Variants in TMEM132D observed in about 807,000 individuals in gnomAD.
TMEM132D encodes the protein mature OL transmembrane protein.
A neutral mutation model predicts 62.3 loss-of-function variants in TMEM132D; 21 were observed. The ratio of observed to expected loss-of-function variants is 0.34; its 90% CI spans 0.24 to 0.49. TMEM132D has a LOEUF of 0.49. Ranked by LOEUF, TMEM132D falls within the 20% of genes least tolerant of loss-of-function variation. The pLI, the probability that TMEM132D is intolerant of heterozygous loss-of-function variation, is 0.99. For missense variants in TMEM132D, 1,346 were observed against 1,402.8 expected (o/e 0.96, Z 0.65); for synonymous variants, 621 against 575.6 (o/e 1.08, Z -1.13).
At chr12:129,555,522 T>C (rs745848332) in intron 2 of TMEM132D, among the ~76,000 whole-genome samples, 2 of 152,220 alleles carry the variant, frequency 1.3e-5, no homozygotes, top group African/African-American at 2.4e-5. Flanking sequence ...GTTTCATGTA[T>C]AAAATGACAT....
chr12:129,833,025 C>T (rs551507227), intron 1 of TMEM132D, among the ~76,000 whole-genome samples: 13 of 152,210 alleles, frequency 8.5e-5, no homozygotes, highest in East Asian at 1.9e-4. Flanking sequence ...TGATGCCTCT[C>T]GCAAATTACA....
chr12:129,237,796 T>C (rs1391465385), intron 4 of TMEM132D, among the ~76,000 whole-genome samples: 3 of 152,082 alleles, frequency 2.0e-5, no homozygotes, highest in Admixed American at 6.6e-5. Context: ...CTGGCCAACA[T>C]GGTGAAACCC....
intron 3 of TMEM132D, among the ~76,000 whole-genome samples, chr12:129,421,631 T>C (rs1000061877): frequency 6.6e-6 from 1 of 152,244 alleles, no homozygotes; most frequent in Non-Finnish European, 1.5e-5. Flanking sequence ...CTAGCAGCCC[T>C]GATGTCCTAA....
At chr12:129,422,958 C>T (rs930710100) in intron 3 of TMEM132D, among the ~76,000 whole-genome samples, 7 of 136,608 alleles carry the variant, frequency 5.1e-5, no homozygotes, top group East Asian at 4.6e-4. Context: ...CTAGAATCAA[C>T]GAAGGAAAGT....
At chr12:129,662,815 A>T (rs1204086988) in intron 2 of TMEM132D, among the ~76,000 whole-genome samples, 13 of 129,728 alleles carry the variant, frequency 1.0e-4, no homozygotes, top group African/African-American at 3.0e-4. Flanking sequence ...AAAAAAAAAG[A>T]GAGAGAGAGA....
At chr12:129,735,871 T>C (rs1869405958) in intron 1 of TMEM132D, among the ~76,000 whole-genome samples, 1 of 152,188 alleles carries the variant, frequency 6.6e-6, no homozygotes, top group Non-Finnish European at 1.5e-5. Context: ...TATAGACCTA[T>C]AAAGATCATC....
chr12:129,500,685 C>T (rs142859153), intron 3 of TMEM132D, among the ~76,000 whole-genome samples: 2 of 152,282 alleles, frequency 1.3e-5, no homozygotes, highest in Non-Finnish European at 1.5e-5. Flanking sequence ...CTCCTTCCCC[C>T]GTCCAAATGG....
chr12:129,419,794 T>C (rs559145545), intron 3 of TMEM132D, among the ~76,000 whole-genome samples: 39 of 152,144 alleles, frequency 2.6e-4, no homozygotes, highest in Non-Finnish European at 4.3e-4. Flanking sequence ...GAATATAAAA[T>C]GCCAAGTCTA....
chr12:129,529,625 A>G (rs1876157264), intron 3 of TMEM132D, among the ~76,000 whole-genome samples: 1 of 152,264 alleles, frequency 6.6e-6, no homozygotes, highest in African/African-American at 2.4e-5. Flanking sequence ...AGAAAATGAA[A>G]GTTCACCGGT....
chr12:129,436,652 C>T (rs1328554149), intron 3 of TMEM132D, among the ~76,000 whole-genome samples: 1 of 152,174 alleles, frequency 6.6e-6, no homozygotes, highest in East Asian at 1.9e-4. Flanking sequence ...GAATTAGATG[C>T]CTTTGTATCC....
At chr12:129,514,048 C>T (rs1256770641) in intron 3 of TMEM132D, among the ~76,000 whole-genome samples, 2 of 150,796 alleles carry the variant, frequency 1.3e-5, no homozygotes, top group African/African-American at 4.9e-5. Context: ...ACTGTGTCAG[C>T]CAGGATGGTC....
chr12:129,386,806 A>G (rs988333194), intron 3 of TMEM132D, among the ~76,000 whole-genome samples: 1 of 151,940 alleles, frequency 6.6e-6, no homozygotes, highest in African/African-American at 2.4e-5. Context: ...CAATACTAAC[A>G]CGAACACCAA....
chr12:129,604,817 G>C (rs1484870619), intron 2 of TMEM132D, among the ~76,000 whole-genome samples: 2 of 152,138 alleles, frequency 1.3e-5, no homozygotes, highest in African/African-American at 4.8e-5. Context: ...TCCAGTTCCA[G>C]AGACCCAGCT....
At chr12:129,711,226 T>C (rs1881635061) in intron 1 of TMEM132D, among the ~76,000 whole-genome samples, 1 of 152,236 alleles carries the variant, frequency 6.6e-6, no homozygotes. Context: ...GCAACTTCCG[T>C]TGTTCCGGTA....
At chr12:129,185,002 G>A (rs1878183531) in intron 5 of TMEM132D, among the ~76,000 whole-genome samples, 1 of 152,186 alleles carries the variant, frequency 6.6e-6, no homozygotes. Context: ...GACCTAGGTG[G>A]AAATTATTTC....
chr12:129,356,677 T>A (rs1252811871), intron 3 of TMEM132D, among the ~76,000 whole-genome samples: 1 of 147,250 alleles, frequency 6.8e-6, no homozygotes, highest in Non-Finnish European at 1.5e-5. Context: ...AATAAATAAA[T>A]AAATAAATAA....
Position 129,903,641 on chromosome 12 carries a change from T to G in TMEM132D, c.-302A>C. 3 of 318,062 alleles carry G rather than the reference T, an allele frequency of 9.4e-6. No individual in the cohort carries two copies. Among genetic ancestry groups the G allele is most frequent in the Non-Finnish European group, 1.2e-5 (2 of 172,682 alleles). The allele number at this position is 318,062 out of a possible 1,614,324, so 19.7% of individuals were successfully genotyped here. On this transcript the variant is annotated 5_prime_UTR_variant, in exon 1 of 9. Transcript: ENST00000422113. The surrounding 1 kb of genome is among the most constrained non-coding windows in gnomAD (Gnocchi z 6.2). Reference sequence around the variant, plus strand: ...TTTTAATCCACAGGGGGTATTTCCTTTCCTGTTTACCCGAGCGAAGAGTGG... The same window carrying G: ...TTTTAATCCACAGGGGGTATTTCCTGTCCTGTTTACCCGAGCGAAGAGTGG...
intron 5 of TMEM132D, among the ~76,000 whole-genome samples, chr12:129,138,047 AT>A (rs1309378410): frequency 2.0e-5 from 3 of 152,146 alleles, no homozygotes; most frequent in Admixed American, 6.5e-5. Context: ...TTTTAGTTTA[AT>A]TTGGGGATCA....
chr12:129,447,528 A>G (rs1873135481), intron 3 of TMEM132D, among the ~76,000 whole-genome samples: 1 of 152,202 alleles, frequency 6.6e-6, no homozygotes. Flanking sequence ...ATGAAGAATA[A>G]CGTAAGCAAA....
Sources: allele counts gnomAD v4.1 joint callset (sites outside exome capture counted in the v4.1 genomes callset), GRCh38; gene constraint gnomAD v4.1.1; non-coding constraint Gnocchi (gnomAD v3.1); transcripts MANE v1.5; gene names NCBI Gene and HGNC (gene_info 2026-07-23, HGNC 2026-07-21).